FRYL: variants seen among roughly 807,000 people sequenced by gnomAD.
The protein encoded by FRYL is protein furry homolog-like.
A neutral mutation model predicts 351.2 loss-of-function variants in FRYL; 150 were observed. The observed-to-expected ratio is 0.43, with a 90% CI of 0.37 to 0.49. FRYL has a LOEUF of 0.49. FRYL is among the 20% of genes least tolerant of loss of function. The pLI is 0.00. For missense variants in FRYL, 3,036 were observed against 3,619.3 expected (o/e 0.84, Z 4.13); for synonymous variants, 1,153 against 1,257.1 (o/e 0.92, Z 1.75).
At chr4:48,707,826 CTT>C (rs879274504) in intron 2 of FRYL, among the ~76,000 whole-genome samples, 6 of 143,698 alleles carry the variant, frequency 4.2e-5, no homozygotes, top group Admixed American at 1.4e-4. Flanking sequence ...ATTTCTTTTT[CTT>C]TTTTTTTTTT....
At chr4:48,515,716 A>T (rs1723444716) in intron 55 of FRYL, among the ~76,000 whole-genome samples, 1 of 152,204 alleles carries the variant, frequency 6.6e-6, no homozygotes, top group Admixed American at 6.5e-5. Flanking sequence ...TTTAACGGTC[A>T]TAGGTTTAAA....
At chr4:48,623,057 A>G in intron 5 of FRYL, 69 bp downstream of exon 5, 1 of 884,848 alleles carries the variant, frequency 1.1e-6, no homozygotes, top group Non-Finnish European at 1.8e-6. Context: ...TATTGAATAC[A>G]TTTGGGCCAG....
At position 48,710,687 on chromosome 4, in the gene FRYL, G is replaced by A; in HGVS notation, c.-372C>T. The A allele has an allele frequency of 2.5e-6, 1 of 398,040 alleles. No homozygotes were observed. The allele number at this position is 398,040 out of a possible 1,614,324, so 24.7% of individuals were successfully genotyped here. A position where few individuals can be genotyped will look rare whatever the true frequency, so the allele number is the denominator to read the frequency against. ...GTCACCGTGTGTGAAGCAGAATATG[G>A]AATGTTCTAGGCTGGAAGATTAAAA... On this transcript the variant is annotated 5_prime_UTR_variant, in exon 2 of 64. Coordinates refer to ENST00000358350, the MANE Select transcript of FRYL (RefSeq NM_015030.2).
intron 26 of FRYL, 51 bp from the exon 27 acceptor site, chr4:48,570,969 G>A (rs761618724): frequency 7.0e-7 from 1 of 1,429,364 alleles, no homozygotes; most frequent in Non-Finnish European, 9.8e-7. Flanking sequence ...GTGTAACTTG[G>A]AAAGAATAAT....
rs1200807017 is a variant in FRYL at position 48,499,699 on chromosome 4, T to A, written c.8784-19A>T. 1 of 1,609,322 alleles carries A rather than the reference T, an allele frequency of 6.2e-7. No homozygotes were observed. Among genetic ancestry groups the A allele is most frequent in the African/African-American group, 1.3e-5 (1 of 74,714 alleles). ...GAGAGATCTGAAAATACACAATAGT[T>A]TTTCAGTTCTGAGACTTAGGCAATA... On this transcript the variant is annotated intron_variant, in intron 63 of 63. Transcript: ENST00000358350.
chr4:48,688,669 T>C (rs2149553940), intron 2 of FRYL, among the ~76,000 whole-genome samples: 1 of 145,794 alleles, frequency 6.9e-6, no homozygotes, highest in African/African-American at 2.5e-5. Flanking sequence ...TTTTTTTTTT[T>C]TTTTTTTTTT....
At chr4:48,737,001 C>T (rs185377291) in intron 1 of FRYL, among the ~76,000 whole-genome samples, 4 of 151,364 alleles carry the variant, frequency 2.6e-5, no homozygotes, top group Admixed American at 6.6e-5. Flanking sequence ...AAGAGGTGGC[C>T]GGGCGTGGTG....
At chr4:48,664,113 G>C (rs1026996207) in intron 3 of FRYL, among the ~76,000 whole-genome samples, 2 of 152,084 alleles carry the variant, frequency 1.3e-5, no homozygotes, top group Non-Finnish European at 2.9e-5. Flanking sequence ...GGCTGACCAC[G>C]GTTAAAGTGC....
At chr4:48,534,449 T>G (rs1728441517) in intron 49 of FRYL, 96 bp downstream of exon 49, 1 of 926,120 alleles carries the variant, frequency 1.1e-6, no homozygotes, top group Non-Finnish European at 1.7e-6. Context: ...TTGAACCACT[T>G]CCCCATTCTT....
At chr4:48,572,800 C>T (rs1738636701) in intron 26 of FRYL, among the ~76,000 whole-genome samples, 1 of 152,180 alleles carries the variant, frequency 6.6e-6, no homozygotes, top group Non-Finnish European at 1.5e-5. Context: ...CTACCTGTCG[C>T]TGCAAATTTT....
At position 48,499,568 on chromosome 4, in the gene FRYL, T is replaced by C. The variant is rs748301602; in HGVS notation, c.8896A>G (p.Ile2966Val). ...TLGQTGSFAV[I>V]GSNLDMSEAN... ...TCTGACATGTCCAGGTTAGAGCCTA[T>C]AACTGCAAAGCTTCCTGTCTGGCCC... Residue 2966 changes from isoleucine to valine, a missense_variant, in exon 64 of 64, where the codon ATA becomes GTA. Physicochemically the swap from Ile to Val is conservative, Grantham distance 29. Transcript: ENST00000358350. 2.5e-6 allele frequency: 4 copies of C among 1,614,176 alleles called. No homozygotes were observed. Among genetic ancestry groups the C allele is most frequent in the East Asian group, 4.5e-5 (2 of 44,876 alleles).
At chr4:48,505,154 CATGGATAT>C (rs1366376440) in intron 60 of FRYL, among the ~76,000 whole-genome samples, 1 of 152,102 alleles carries the variant, frequency 6.6e-6, no homozygotes, top group African/African-American at 2.4e-5. Context: ...TTACCTTTAA[CATGGATAT>C]ATTATATCAC....
chr4:48,714,849 T>A (rs986027659), intron 1 of FRYL, among the ~76,000 whole-genome samples: 1 of 148,538 alleles, frequency 6.7e-6, no homozygotes, highest in African/African-American at 2.5e-5. Flanking sequence ...ATATCCTTGA[T>A]GAACATTGAT....
chr4:48,515,365 C>T (rs1723356834), intron 55 of FRYL, 90 bp from the exon 56 acceptor site: 1 of 975,290 alleles, frequency 1.0e-6, no homozygotes, highest in East Asian at 2.6e-5. Flanking sequence ...CCATCTAAGT[C>T]TGTTTTATTA....
chr4:48,749,842 A>G (rs554924189), intron 1 of FRYL, among the ~76,000 whole-genome samples: 28 of 151,722 alleles, frequency 1.8e-4, no homozygotes, highest in Middle Eastern at 3.4e-3. Flanking sequence ...GCCCTAAGAA[A>G]CCTCCCTGGG....
intron 1 of FRYL, among the ~76,000 whole-genome samples, chr4:48,734,119 AGAG>A (rs1771024018): frequency 6.6e-6 from 1 of 152,194 alleles, no homozygotes; most frequent in Non-Finnish European, 1.5e-5. Flanking sequence ...AAAGATTGTC[AGAG>A]TGGATCAAAA....
At chr4:48,760,319 T>C (rs1159249850) in intron 1 of FRYL, among the ~76,000 whole-genome samples, 1 of 152,198 alleles carries the variant, frequency 6.6e-6, no homozygotes, top group African/African-American at 2.4e-5. Context: ...TTTCACTTTA[T>C]ATTCTAATTG....
At position 48,740,911 on chromosome 4, in the gene FRYL, A is replaced by G. The variant is rs570322144; in HGVS notation, c.-383-30213T>C. ...GCACTTATTCGTTGTTATTTACTCA[A>G]AGGAGATGAAAACATATTTCTACAC... is the stretch of plus-strand genomic sequence containing the variant. On this transcript the variant is annotated intron_variant, in intron 1 of 63. Coordinates refer to ENST00000358350, the MANE Select transcript of FRYL (RefSeq NM_015030.2). Among the ~76,000 whole-genome samples the G allele has an allele frequency of 1.8e-4, 28 of 152,284 alleles. No homozygotes were observed. The South Asian group carries it at 5.8e-3, about 32-fold the overall frequency.
chr4:48,604,798 G>T (rs577881173), intron 11 of FRYL, among the ~76,000 whole-genome samples: 1 of 152,252 alleles, frequency 6.6e-6, no homozygotes, highest in South Asian at 2.1e-4. Flanking sequence ...AAGCAAATAT[G>T]GTATAAAAGA....
Sources: allele counts gnomAD v4.1 joint callset (sites outside exome capture counted in the v4.1 genomes callset), GRCh38; gene constraint gnomAD v4.1.1; transcripts MANE v1.5; gene names NCBI Gene and HGNC (gene_info 2026-07-23, HGNC 2026-07-21).